C1orf210: variants seen among roughly 807,000 people sequenced by gnomAD.
C1orf210 encodes chromosome 1 open reading frame 210.
In C1orf210, 3 loss-of-function variants were observed where a neutral mutation model predicts 3.7. That is an observed-to-expected ratio of 0.81 (90% confidence interval 0.37 to 2.08). C1orf210 has a LOEUF of 2.08. Among genes scored for constraint, C1orf210 ranks in the 30% most tolerant of loss-of-function variants. The pLI is 0.06. For missense variants in C1orf210, 143 were observed against 147.7 expected, an observed-to-expected ratio of 0.97 and a Z score of 0.17; for synonymous variants, 62 against 61.7, an observed-to-expected ratio of 1.00 and a Z score of -0.02.
At chr1:43,285,136 C>T (rs1473153049) in intron 1 of C1orf210, among the ~76,000 whole-genome samples, 1 of 152,170 alleles carries the variant, frequency 6.6e-6, no homozygotes, top group Admixed American at 6.5e-5. Context: ...CTCATTCATT[C>T]CTCAGCCTGC....
rs546752047 is a variant in C1orf210 at position 43,285,093 on chromosome 1, G to A, written c.-99+351C>T. Among the ~76,000 whole-genome samples, 135 of 152,288 alleles carry A rather than the reference G, an allele frequency of 8.9e-4. 1 individual carries two copies. Among genetic ancestry groups the A allele is most frequent in the African/African-American group, 3.0e-3 (124 of 41,544 alleles). ...TGAGAGTGAATATACAGGTGGGAGC[G>A]GGAGAGACGTCCTGGGAAGGAGAGG... On this transcript the variant is annotated intron_variant, in intron 1 of 2. Coordinates refer to ENST00000523677, the MANE Select transcript of C1orf210 (RefSeq NM_182517.3).
rs1646559030 is a variant in C1orf210, at chr1:43,283,244, T to C, written c.19+8A>G. 1.9e-5 allele frequency: 31 copies of C among 1,612,916 alleles called. No individual in the cohort carries two copies. Among genetic ancestry groups the C allele is most frequent in the Non-Finnish European group, 2.4e-5 (28 of 1,179,054 alleles). ...CCCCACCCCCATCATCCTCCCACTGTCACTCACTTTTGTTTGTCTCATTCA... is the reference window on the plus strand; with the variant it reads ...CCCCACCCCCATCATCCTCCCACTGCCACTCACTTTTGTTTGTCTCATTCA... On this transcript the variant is annotated splice_region_variant and intron_variant, in intron 2 of 2. Transcript: ENST00000523677.
At position 43,282,539 on chromosome 1, in the gene C1orf210, A is replaced by G; in HGVS notation, c.*246T>C. ...GAGAGGCATGATCACAGAGGGCCTT[A>G]TGTCCACACTCAAGCCTTTGTTTGG... is the stretch of plus-strand genomic sequence containing the variant. On this transcript the variant is annotated 3_prime_UTR_variant, in exon 3 of 3. Transcript: ENST00000523677. The G allele has an allele frequency of 2.1e-6, 1 of 484,382 alleles. No homozygotes were observed. Among genetic ancestry groups the G allele is most frequent in the Non-Finnish European group, 3.6e-6 (1 of 275,754 alleles). 30.0% of individuals were successfully genotyped at this position (484,382 alleles called of 1,614,324 possible).
At chr1:43,284,195 G>A (rs1386974638) in intron 1 of C1orf210, among the ~76,000 whole-genome samples, 9 of 152,256 alleles carry the variant, frequency 5.9e-5, no homozygotes, top group Non-Finnish European at 1.0e-4. Flanking sequence ...AGGAGCACCT[G>A]GATCAAAGGA....
rs751147354 is a variant in C1orf210, at chr1:43,283,042, G to C, written c.85C>G (p.Arg29Gly). 4.3e-6 allele frequency: 7 copies of C among 1,613,904 alleles called. No individual in the cohort carries two copies. The highest frequency in any genetic ancestry group is 5.9e-6 in the Non-Finnish European group (7 of 1,179,924). Residue 29 changes from arginine to glycine, a missense_variant, in exon 3 of 3, where the codon CGG becomes GGG. Transcript: ENST00000523677. ...AVAPGPGTGA[R>G]AWPVLVGFVL... ...AATCCTACCAGCACAGGCCATGCCC[G>C]AGCCCCAGTGCCTGGGCCAGGGGCC...
At position 43,282,545 on chromosome 1, in the gene C1orf210, A is replaced by G. The variant is rs1320863828; in HGVS notation, c.*240T>C. 2.0e-6 allele frequency: 1 copy of G among 503,526 alleles called. No individual in the cohort carries two copies. Among genetic ancestry groups the G allele is most frequent in the Non-Finnish European group, 3.5e-6 (1 of 286,660 alleles). 31.2% of individuals were successfully genotyped at this position (503,526 alleles called of 1,614,324 possible). A position where few individuals can be genotyped will look rare whatever the true frequency, so the allele number is the denominator to read the frequency against. On this transcript the variant is annotated 3_prime_UTR_variant, in exon 3 of 3. Coordinates refer to ENST00000523677, the MANE Select transcript of C1orf210 (RefSeq NM_182517.3). ...CATGATCACAGAGGGCCTTATGTCC[A>G]CACTCAAGCCTTTGTTTGGCTTTAT...
intron 2 of C1orf210, 39 bp downstream of exon 2, chr1:43,283,213 G>A: frequency 6.2e-7 from 1 of 1,608,430 alleles, no homozygotes; most frequent in Non-Finnish European, 8.5e-7. Flanking sequence ...CATCTAAGGG[G>A]AAGCCCCCCA....
In C1orf210 at chr1:43,282,264, A is replaced by AG. The variant is rs201812100; in HGVS notation, c.*520dup. On this transcript the variant is annotated 3_prime_UTR_variant, in exon 3 of 3. Transcript: ENST00000523677. Reference sequence around the variant, plus strand: ...GGGCAACAGAGTGAGACTCCGTCTCAGGAAAAAAAAAAAAAGGAAGCTTGG... The same window carrying AG: ...GGGCAACAGAGTGAGACTCCGTCTCAGGGAAAAAAAAAAAAAGGAAGCTTGG... 3,716 of 21,346 alleles carry AG rather than the reference A, an allele frequency of 0.17. 61 individuals carry two copies. The highest frequency in any genetic ancestry group is 0.26 in the Admixed American group (553 of 2,134). 1.3% of individuals were successfully genotyped at this position (21,346 alleles called of 1,614,324 possible).
chr1:43,283,611 A>G (rs1427915498), intron 1 of C1orf210, among the ~76,000 whole-genome samples: 1 of 152,194 alleles, frequency 6.6e-6, no homozygotes, highest in East Asian at 1.9e-4. Context: ...AGCATTCCTT[A>G]TAATTCAAGC....
rs902292584 is a variant in C1orf210 at position 43,283,963 on chromosome 1, C to A, written c.-98-595G>T. 9.2e-5 allele frequency among the ~76,000 whole-genome samples: 14 copies of A among 152,310 alleles called. No homozygotes were observed. In the East Asian group the frequency reaches 2.7e-3, roughly 29 times the overall value. On this transcript the variant is annotated intron_variant, in intron 1 of 2. Coordinates refer to ENST00000523677, the MANE Select transcript of C1orf210 (RefSeq NM_182517.3). ...TTCTAAGTTGAAAGCCGCTGCTGCC[C>A]ACCTCTACCCTCAGCCCTTCAAGCA...
At chr1:43,283,457 C>G in intron 1 of C1orf210, 89 bp from the exon 2 acceptor site, 1 of 688,050 alleles carries the variant, frequency 1.5e-6, no homozygotes, top group Non-Finnish European at 2.4e-6. Flanking sequence ...CCTGCACAAA[C>G]TCTGGGGACT....
rs759809735 is a variant in C1orf210, at chr1:43,282,516, G to C, written c.*269C>G. Reference sequence around the variant, plus strand: ...GCAAGAAAAGAAACCAAGAGGCCGAGAGGCATGATCACAGAGGGCCTTATG... The same window carrying C: ...GCAAGAAAAGAAACCAAGAGGCCGACAGGCATGATCACAGAGGGCCTTATG... On this transcript the variant is annotated 3_prime_UTR_variant, in exon 3 of 3. Transcript: ENST00000523677. 111 of 412,766 alleles carry C rather than the reference G, an allele frequency of 2.7e-4. No individual in the cohort carries two copies. The highest frequency in any genetic ancestry group is 6.0e-4 in the Middle Eastern group (1 of 1,658). 25.6% of individuals were successfully genotyped at this position (412,766 alleles called of 1,614,324 possible). A position where few individuals can be genotyped will look rare whatever the true frequency, so the allele number is the denominator to read the frequency against.
intron 1 of C1orf210, among the ~76,000 whole-genome samples, chr1:43,284,837 G>A (rs1389666252): frequency 2.0e-5 from 3 of 152,070 alleles, no homozygotes; most frequent in African/African-American, 4.8e-5. Flanking sequence ...TTTTTGGGGC[G>A]CCAGTCTGTC....
rs1193968527 is a variant in C1orf210 at position 43,283,024 on chromosome 1, C to G, written c.103G>C (p.Val35Leu). 3.1e-6 allele frequency: 5 copies of G among 1,613,992 alleles called. No individual in the cohort carries two copies. The East Asian group carries it at 1.1e-4, about 36-fold the overall frequency. ...ACCACAGCCCCCAGCACAAATCCTA[C>G]CAGCACAGGCCATGCCCGAGCCCCA... ...GTGARAWPVLVGFVLGAVVLS... is the reference protein window; with the variant it reads ...GTGARAWPVLLGFVLGAVVLS... Residue 35 changes from valine (V) to leucine (L), a missense_variant, in exon 3 of 3, where the codon GTA becomes CTA. Coordinates refer to ENST00000523677, the MANE Select transcript of C1orf210 (RefSeq NM_182517.3).
In C1orf210 at chr1:43,284,425, A is replaced by AC. The variant is rs370253891; in HGVS notation, c.-99+1018dup. Among the ~76,000 whole-genome samples, 351 of 149,978 alleles carry AC rather than the reference A, an allele frequency of 2.3e-3. 2 individuals are homozygous for AC. Among genetic ancestry groups the AC allele is most frequent in the East Asian group, 0.016 (79 of 4,956 alleles). On this transcript the variant is annotated intron_variant, in intron 1 of 2. Transcript: ENST00000523677. Reference sequence around the variant, plus strand: ...TATTCTTTGATACAAGTGCCTTCAAACCCCCCCCAACCTCCTCACATCCAA... The same window carrying AC: ...TATTCTTTGATACAAGTGCCTTCAAACCCCCCCCCAACCTCCTCACATCCAA...
At chr1:43,283,572 A>G (rs1198417340) in intron 1 of C1orf210, among the ~76,000 whole-genome samples, 4 of 149,964 alleles carry the variant, frequency 2.7e-5, no homozygotes, top group Non-Finnish European at 6.0e-5. Flanking sequence ...GGAAGCTGCT[A>G]AAAAAAAAAT....
chr1:43,283,723 A>G (rs1370209322), intron 1 of C1orf210, among the ~76,000 whole-genome samples: 1 of 152,196 alleles, frequency 6.6e-6, no homozygotes, highest in African/African-American at 2.4e-5. Flanking sequence ...TGACTCAACT[A>G]AAGTCTTCAG....
At chr1:43,285,396 C>T (rs1646573679) in intron 1 of C1orf210, 48 bp downstream of exon 1, 1 of 152,406 alleles carries the variant, frequency 6.6e-6, no homozygotes, top group Non-Finnish European at 1.5e-5. Context: ...CCCCAGGTCA[C>T]ACTTTCCTCC....
rs115885647 is a variant in C1orf210, at chr1:43,283,086, A to G, written c.41T>C (p.Leu14Pro). 1 of 1,613,426 alleles carries G rather than the reference A, an allele frequency of 6.2e-7. No homozygotes were observed. Among genetic ancestry groups the G allele is most frequent in the Non-Finnish European group, 8.5e-7 (1 of 1,179,596 alleles). The change falls in exon 3 of 3, where the codon CTC becomes CCC. Residue 14 changes from leucine (L) to proline (P), a missense_variant. Transcript: ENST00000523677. ...TNKTLVGPSE[L>P]PTASAVAPGP... ...AGGGGCCACAGCAGACGCTGTGGGG[A>G]GCTCCGAAGGCCCAACAAGTGCTGC... is the stretch of plus-strand genomic sequence containing the variant.
Sources: allele counts gnomAD v4.1 joint callset (sites outside exome capture counted in the v4.1 genomes callset), GRCh38; gene constraint gnomAD v4.1.1; transcripts MANE v1.5; gene names NCBI Gene and HGNC (gene_info 2026-07-23, HGNC 2026-07-21).